Variants in ELP4 observed in about 807,000 individuals in gnomAD.
ELP4 encodes elongator acetyltransferase complex subunit 4.
A neutral mutation model predicts 48.9 loss-of-function variants in ELP4; 51 were observed. The observed-to-expected ratio is 1.04, with a 90% CI of 0.83 to 1.32. The LOEUF (loss-of-function observed/expected upper bound fraction) is 1.32. ELP4 is among the 40% of genes most tolerant of loss of function. The probability of loss-of-function intolerance (pLI) is 0.00; values close to 1 mark genes in which losing one functional copy is unlikely to be tolerated. For synonymous variants in ELP4, 210 were observed against 189.2 expected (o/e 1.11, Z -0.90); for missense variants, 519 against 514.6 (o/e 1.01, Z -0.08).
intron 3 of ELP4, among the ~76,000 whole-genome samples, chr11:31,540,219 A>G (rs1038267225): frequency 6.6e-5 from 10 of 152,208 alleles, no homozygotes; most frequent in East Asian, 3.8e-4. Flanking sequence ...AAGCTTTTCT[A>G]TACTACTAAC....
chr11:31,512,338 T>C (rs1049575984), intron 1 of ELP4: 1 of 152,230 alleles, frequency 6.6e-6, no homozygotes, highest in East Asian at 1.9e-4. Flanking sequence ...CGTGACGTCA[T>C]TGTAATTTTA....
intron 9 of ELP4, among the ~76,000 whole-genome samples, chr11:31,761,572 AT>A (rs1403639679): frequency 2.0e-5 from 3 of 152,230 alleles, no homozygotes; most frequent in Non-Finnish European, 4.4e-5. Context: ...GAATTTAAAA[AT>A]GTACCTTCTA....
intron 5 of ELP4, among the ~76,000 whole-genome samples, chr11:31,609,102 A>G (rs759731964): frequency 6.6e-6 from 1 of 152,134 alleles, no homozygotes; most frequent in Non-Finnish European, 1.5e-5. Flanking sequence ...CAGGCTGGAC[A>G]AGGAGTTTTT....
chr11:31,584,869 A>G (rs1477217784), intron 3 of ELP4, among the ~76,000 whole-genome samples: 2 of 152,222 alleles, frequency 1.3e-5, no homozygotes, highest in Admixed American at 1.3e-4. Context: ...CCACCAATGA[A>G]TATGAGTAAG....
intron 1 of ELP4, 77 bp downstream of exon 1, chr11:31,510,084 C>T: frequency 1.5e-6 from 2 of 1,364,278 alleles, no homozygotes; most frequent in South Asian, 2.5e-5. Context: ...CCACTTTGAC[C>T]CCACATCTCT....
intron 5 of ELP4, among the ~76,000 whole-genome samples, chr11:31,611,678 C>G (rs533331300): frequency 6.6e-6 from 1 of 152,210 alleles, no homozygotes; most frequent in Non-Finnish European, 1.5e-5. Flanking sequence ...AACTTGAGCA[C>G]CTGCTATGAG....
intron 9 of ELP4, among the ~76,000 whole-genome samples, chr11:31,707,854 C>T (rs1946665706): frequency 6.6e-6 from 1 of 152,140 alleles, no homozygotes; most frequent in Non-Finnish European, 1.5e-5. Context: ...TACATGGCCT[C>T]TCTGACTTTT....
At chr11:31,543,177 T>C (rs1046606153) in intron 3 of ELP4, among the ~76,000 whole-genome samples, 1 of 152,152 alleles carries the variant, frequency 6.6e-6, no homozygotes, top group African/African-American at 2.4e-5. Flanking sequence ...TAACATGTGA[T>C]TGGACTCTGT....
At position 31,510,017 on chromosome 11, in the gene ELP4, G is replaced by T; in HGVS notation, c.223+10G>T. 1.2e-6 allele frequency: 2 copies of T among 1,605,918 alleles called. No homozygotes were observed. Among genetic ancestry groups the T allele is most frequent in the Non-Finnish European group, 8.5e-7 (1 of 1,175,842 alleles). The stretch of plus-strand genomic sequence containing the variant: ...CTAGACCAGCTCTTAGGTCGGTTCA[G>T]AGCGGAGATCTGGGCTCAGCCGAGG... On this transcript the variant is annotated intron_variant, in intron 1 of 9. Transcript: ENST00000640961.
chr11:31,681,148 G>A (rs1379628310), intron 9 of ELP4, among the ~76,000 whole-genome samples: 1 of 152,148 alleles, frequency 6.6e-6, no homozygotes, highest in East Asian at 1.9e-4. Context: ...GAGGGGAATT[G>A]AGGATAGGTC....
chr11:31,662,687 A>G (rs1945589335), intron 9 of ELP4: 2 of 396,744 alleles, frequency 5.0e-6, no homozygotes. Context: ...ATAATGATTT[A>G]TACTCTTAAA....
Position 31,787,331 on chromosome 11 carries a change from A to G in ELP4, c.*3807A>G. On this transcript the variant is annotated 3_prime_UTR_variant, in exon 10 of 10. Coordinates refer to ENST00000640961, the MANE Select transcript of ELP4 (RefSeq NM_019040.5). ...GCACACATACAGACCCTCCGCTCCC[A>G]CGTCACTCCTTTTCTCCCATTCCCA... 4.3e-6 allele frequency: 1 copy of G among 233,458 alleles called. No homozygotes were observed. The highest frequency in any genetic ancestry group is 8.5e-6 in the Non-Finnish European group (1 of 118,228). The allele number at this position is 233,458 out of a possible 1,614,324, so 14.5% of individuals were successfully genotyped here.
intron 5 of ELP4, among the ~76,000 whole-genome samples, chr11:31,605,433 G>A (rs1051784202): frequency 6.6e-6 from 1 of 151,986 alleles, no homozygotes; most frequent in Non-Finnish European, 1.5e-5. Flanking sequence ...ATAGGTCAGG[G>A]TAATTTTCCC....
intron 6 of ELP4, among the ~76,000 whole-genome samples, chr11:31,629,283 C>G (rs1469364131): frequency 1.3e-5 from 2 of 151,866 alleles, no homozygotes; most frequent in African/African-American, 4.8e-5. Context: ...ATTTATTGTA[C>G]AGCTACAAGG....
At chr11:31,556,638 G>T (rs563931721) in intron 3 of ELP4, among the ~76,000 whole-genome samples, 1 of 151,902 alleles carries the variant, frequency 6.6e-6, no homozygotes, top group African/African-American at 2.4e-5. Context: ...AACTTAATTT[G>T]AATATTAGCT....
chr11:31,534,097 A>G (rs1226600344), intron 2 of ELP4, among the ~76,000 whole-genome samples: 1 of 152,110 alleles, frequency 6.6e-6, no homozygotes, highest in African/African-American at 2.4e-5. Flanking sequence ...CGGCCTCCCA[A>G]AGTGCTGAGA....
intron 7 of ELP4, chr11:31,645,926 C>A (rs1945188435): frequency 1.6e-5 from 2 of 126,924 alleles, no homozygotes; most frequent in South Asian, 2.9e-4. Flanking sequence ...GAATCATTTT[C>A]AAGTTGACTC....
In ELP4 at chr11:31,790,027, T is replaced by C. The variant is rs1182967446; in HGVS notation, c.*6503T>C. ...CACCAGGGGAAATGAGTCCTAGAAG[T>C]GGATGAAAGAAATAGCCATGTAGAT... On this transcript the variant is annotated 3_prime_UTR_variant, in exon 10 of 10. Coordinates refer to ENST00000640961, the MANE Select transcript of ELP4 (RefSeq NM_019040.5). The C allele has an allele frequency of 3.2e-6, 5 of 1,548,886 alleles. No homozygotes were observed. Among genetic ancestry groups the C allele is most frequent in the Non-Finnish European group, 4.3e-6 (5 of 1,150,978 alleles).
chr11:31,535,870 T>C (rs576190884), intron 2 of ELP4, among the ~76,000 whole-genome samples: 2 of 152,288 alleles, frequency 1.3e-5, no homozygotes, highest in South Asian at 4.1e-4. Context: ...ATCTGGCTTT[T>C]TTCCACTTAG....
Sources: allele counts gnomAD v4.1 joint callset (sites outside exome capture counted in the v4.1 genomes callset), GRCh38; gene constraint gnomAD v4.1.1; transcripts MANE v1.5; gene names NCBI Gene and HGNC (gene_info 2026-07-23, HGNC 2026-07-21).